Variants in NCOA1 observed in about 807,000 individuals in gnomAD.
The protein encoded by NCOA1 is Hin-2 protein.
NCOA1 carries 35 observed loss-of-function variants against 150.9 expected under a neutral mutation model. The observed-to-expected ratio is 0.23, with a 90% CI of 0.18 to 0.31. The LOEUF (loss-of-function observed/expected upper bound fraction) is 0.31. NCOA1 is among the 10% of genes least tolerant of loss of function. NCOA1 has a pLI of 1.00. For synonymous variants in NCOA1, 590 were observed against 630.0 expected, an observed-to-expected ratio of 0.94 and a Z score of 0.95; for missense variants, 1,491 against 1,749.3, an observed-to-expected ratio of 0.85 and a Z score of 2.63.
chr2:24,566,431 G>C (rs1558799162), intron 2 of NCOA1, among the ~76,000 whole-genome samples: 1 of 152,144 alleles, frequency 6.6e-6, no homozygotes, highest in Non-Finnish European at 1.5e-5. Flanking sequence ...CCCTGGAGTG[G>C]GTAGCTCCTC....
chr2:24,517,092 T>C (rs945190799), intron 1 of NCOA1, among the ~76,000 whole-genome samples: 1 of 146,392 alleles, frequency 6.8e-6, no homozygotes, highest in African/African-American at 2.5e-5. Context: ...TTAAGGCTAG[T>C]GCATAATCTC....
At chr2:24,620,294 T>A (rs1311300506) in intron 3 of NCOA1, among the ~76,000 whole-genome samples, 3 of 152,212 alleles carry the variant, frequency 2.0e-5, no homozygotes, top group Non-Finnish European at 4.4e-5. Context: ...AAACCTCATG[T>A]TCAGATTGTT....
At chr2:24,673,526 C>CT (rs1258413389) in intron 7 of NCOA1, 63 bp downstream of exon 7, 15 of 1,093,724 alleles carry the variant, frequency 1.4e-5, no homozygotes, top group Non-Finnish European at 2.0e-5. Context: ...TTGGTTTTTT[C>CT]TTTTTTAAAT....
At position 24,770,664 on chromosome 2, in the gene NCOA1, A is replaced by G. The variant is rs999331500; in HGVS notation, c.*2273A>G. ...GAAATTGCCAAAGCCCAAATTAACGAGTATTATAAAAGGATAATAAAGCAT... is the reference window on the plus strand; with the variant it reads ...GAAATTGCCAAAGCCCAAATTAACGGGTATTATAAAAGGATAATAAAGCAT... On this transcript the variant is annotated 3_prime_UTR_variant, in exon 23 of 23. Coordinates refer to ENST00000348332, the MANE Select transcript of NCOA1 (RefSeq NM_003743.5). The G allele has an allele frequency of 5.2e-6, 1 of 193,122 alleles. No homozygotes were observed. Among genetic ancestry groups the G allele is most frequent in the Non-Finnish European group, 1.1e-5 (1 of 92,586 alleles). 12.0% of individuals were successfully genotyped at this position (193,122 alleles called of 1,614,324 possible). A position where few individuals can be genotyped will look rare whatever the true frequency, so the allele number is the denominator to read the frequency against.
chr2:24,723,503 C>G (rs938461269), intron 14 of NCOA1, among the ~76,000 whole-genome samples: 2 of 152,186 alleles, frequency 1.3e-5, no homozygotes, highest in Admixed American at 1.3e-4. Flanking sequence ...TCCTTTCCAG[C>G]AGTTGTTTCA....
At chr2:24,589,456 T>G (rs188086650) in intron 3 of NCOA1, among the ~76,000 whole-genome samples, 243 of 152,286 alleles carry the variant, frequency 1.6e-3, no homozygotes, top group Non-Finnish European at 2.6e-3. Context: ...CACACAGAAG[T>G]TTCCTAAGGT....
In NCOA1 at chr2:24,749,094, C is replaced by T. The variant is rs894039068; in HGVS notation, c.3707-2888C>T. Among the ~76,000 whole-genome samples, 10 of 152,338 alleles carry T rather than the reference C, an allele frequency of 6.6e-5. No homozygotes were observed. The East Asian group carries it at 1.9e-3, about 29-fold the overall frequency. ...AAACATTTTTTAAAAAACATTTTTA[C>T]ACTTTTAAATTCTAATGGATATCTA... On this transcript the variant is annotated intron_variant, in intron 19 of 22. Coordinates refer to ENST00000348332, the MANE Select transcript of NCOA1 (RefSeq NM_003743.5).
chr2:24,678,968 T>G (rs919505955), intron 7 of NCOA1, among the ~76,000 whole-genome samples: 7 of 152,262 alleles, frequency 4.6e-5, no homozygotes, highest in Non-Finnish European at 7.3e-5. Flanking sequence ...GCCTATGTAC[T>G]GAATGGTATT....
At chr2:24,576,170 G>GTTTTTTTTTTTTTTTTTTTTTTTTTT (rs869093026) in intron 2 of NCOA1, among the ~76,000 whole-genome samples, 5 of 46,324 alleles carry the variant, frequency 1.1e-4, no homozygotes, top group Non-Finnish European at 1.9e-4. Flanking sequence ...TTTGTTTTTT[G>GTTTTTTTTTTTTTTTTTTTTTTTTTT]TTTTTTTTTT....
At chr2:24,626,377 A>G (rs765835236) in intron 3 of NCOA1, among the ~76,000 whole-genome samples, 11 of 152,304 alleles carry the variant, frequency 7.2e-5, no homozygotes, top group Middle Eastern at 3.4e-3. Flanking sequence ...TCAGACTTGG[A>G]TTGCTAACAG....
At chr2:24,525,034 G>A (rs1664590772) in intron 1 of NCOA1, among the ~76,000 whole-genome samples, 1 of 152,212 alleles carries the variant, frequency 6.6e-6, no homozygotes, top group African/African-American at 2.4e-5. Flanking sequence ...GTACTATGGT[G>A]TGGGGAGCCT....
At chr2:24,645,464 C>G (rs1475423571) in intron 4 of NCOA1, among the ~76,000 whole-genome samples, 1 of 144,928 alleles carries the variant, frequency 6.9e-6, no homozygotes, top group African/African-American at 2.6e-5. Context: ...GAGCAGAGAT[C>G]GAGCCACTGC....
At chr2:24,616,771 G>GT (rs900659252) in intron 3 of NCOA1, among the ~76,000 whole-genome samples, 1 of 152,156 alleles carries the variant, frequency 6.6e-6, no homozygotes, top group African/African-American at 2.4e-5. Context: ...ACTGAGGAAA[G>GT]TAGAGCAGTT....
intron 1 of NCOA1, among the ~76,000 whole-genome samples, chr2:24,527,298 T>C (rs1422075970): frequency 6.6e-6 from 1 of 152,170 alleles, no homozygotes; most frequent in Non-Finnish European, 1.5e-5. Flanking sequence ...TTTGTATCTT[T>C]TGACCAACAT....
At chr2:24,627,191 C>G (rs367872089) in intron 3 of NCOA1, among the ~76,000 whole-genome samples, 2 of 144,248 alleles carry the variant, frequency 1.4e-5, no homozygotes, top group Admixed American at 7.0e-5. Context: ...CCTACCCCCA[C>G]TACTGTGCAT....
intron 1 of NCOA1, among the ~76,000 whole-genome samples, chr2:24,517,004 G>GTATATATATA (rs1425804870): frequency 3.6e-5 from 3 of 83,894 alleles, no homozygotes; most frequent in Non-Finnish European, 7.4e-5. Flanking sequence ...ACACACGCGC[G>GTATATATATA]CACACACACA....
chr2:24,530,294 A>G (rs1018277041), intron 1 of NCOA1, among the ~76,000 whole-genome samples: 2 of 152,232 alleles, frequency 1.3e-5, no homozygotes, highest in Non-Finnish European at 2.9e-5. Context: ...CCATTTATTT[A>G]CGTTGGAATG....
chr2:24,739,545 A>T lies in NCOA1; in HGVS notation c.3303+12A>T. ...AAATTACACCTCAGGTAATGTGAGA[A>T]AACCAGACGTCATTAGTACTTCTTT... On this transcript the variant is annotated intron_variant, in intron 18 of 22. Transcript: ENST00000348332. 2 of 1,587,156 alleles carry T rather than the reference A, an allele frequency of 1.3e-6. No individual in the cohort carries two copies. The highest frequency in any genetic ancestry group is 1.7e-6 in the Non-Finnish European group (2 of 1,155,516).
chr2:24,512,871 C>T (rs951568853), intron 1 of NCOA1, among the ~76,000 whole-genome samples: 1 of 152,180 alleles, frequency 6.6e-6, no homozygotes, highest in Non-Finnish European at 1.5e-5. Context: ...GCCAAAACAC[C>T]GTTTCTTTGA....
Sources: gnomAD v4.1 joint callset for allele counts (sites outside exome capture counted in the v4.1 genomes callset) on GRCh38, gnomAD v4.1.1 for gene constraint, MANE v1.5 for transcripts, NCBI Gene and HGNC (gene_info 2026-07-23, HGNC 2026-07-21) for gene names.